Variants in AASS observed in about 807,000 individuals in gnomAD.
AASS encodes alpha-aminoadipic semialdehyde synthase, mitochondrial.
AASS carries 86 observed loss-of-function variants against 105.4 expected under a neutral mutation model. The ratio of observed to expected loss-of-function variants is 0.82; its 90% CI spans 0.69 to 0.98. The LOEUF (loss-of-function observed/expected upper bound fraction) is 0.98, where lower values mean the gene tolerates loss of function less well. Among genes scored for constraint, AASS ranks in the 50% least tolerant of loss-of-function variants. AASS has a pLI of 0.00. For missense variants in AASS, 1,048 were observed against 1,143.2 expected (o/e 0.92, Z 1.20); for synonymous variants, 381 against 394.8 (o/e 0.96, Z 0.41).
At chr7:122,108,134 C>T (rs573941178) in intron 11 of AASS, among the ~76,000 whole-genome samples, 1 of 152,054 alleles carries the variant, frequency 6.6e-6, no homozygotes, top group South Asian at 2.1e-4. Flanking sequence ...AATAAACAAT[C>T]TGAATAGGCG....
intron 15 of AASS, among the ~76,000 whole-genome samples, chr7:122,097,510 C>T (rs1204415246): frequency 6.6e-6 from 1 of 151,796 alleles, no homozygotes; most frequent in African/African-American, 2.4e-5. Context: ...TTTTTCGATC[C>T]TCACCCTCCT....
At chr7:122,111,691 C>G (rs1253176401) in intron 11 of AASS, among the ~76,000 whole-genome samples, 1 of 152,060 alleles carries the variant, frequency 6.6e-6, no homozygotes, top group Non-Finnish European at 1.5e-5. Flanking sequence ...ATCACGAGGT[C>G]AGGAGTTCAA....
chr7:122,140,845 G>A (rs1796361371), intron 1 of AASS, among the ~76,000 whole-genome samples: 1 of 150,034 alleles, frequency 6.7e-6, no homozygotes, highest in Non-Finnish European at 1.5e-5. Flanking sequence ...GATGAACAGC[G>A]CTAATTATTT....
intron 23 of AASS, among the ~76,000 whole-genome samples, chr7:122,076,854 C>T (rs1793036973): frequency 6.6e-6 from 1 of 152,206 alleles, no homozygotes; most frequent in Admixed American, 6.5e-5. Flanking sequence ...AACTTGTACA[C>T]TTAACTGCAT....
chr7:122,110,980 G>T (rs1794904347), intron 11 of AASS, among the ~76,000 whole-genome samples: 1 of 152,012 alleles, frequency 6.6e-6, no homozygotes, highest in African/African-American at 2.4e-5. Context: ...AGGAAAAAAT[G>T]ATCTTCTCAA....
At chr7:122,116,597 T>C in intron 8 of AASS, 36 bp downstream of exon 8, 4 of 1,613,594 alleles carry the variant, frequency 2.5e-6, no homozygotes, top group Non-Finnish European at 3.4e-6. Context: ...CACTGTATCA[T>C]AAGCAACCAA....
At chr7:122,118,829 A>T (rs1054964431) in intron 4 of AASS, among the ~76,000 whole-genome samples, 199 bp from the exon 5 acceptor site, 1 of 152,068 alleles carries the variant, frequency 6.6e-6, no homozygotes, top group Admixed American at 6.5e-5. Context: ...ATCCCCACCT[A>T]TTCCTTCCAC....
chr7:122,102,191 T>C (rs75331762), intron 11 of AASS, among the ~76,000 whole-genome samples: 1 of 151,972 alleles, frequency 6.6e-6, no homozygotes, highest in Non-Finnish European at 1.5e-5. Context: ...ATTTCAAAGG[T>C]GGTAGCAAAA....
At chr7:122,102,896 T>TA (rs1306438826) in intron 11 of AASS, among the ~76,000 whole-genome samples, 2 of 151,106 alleles carry the variant, frequency 1.3e-5, no homozygotes, top group African/African-American at 4.9e-5. Flanking sequence ...CTGAAAACCA[T>TA]AAAAACCAAG....
intron 2 of AASS, among the ~76,000 whole-genome samples, chr7:122,131,711 C>T (rs556893448): frequency 6.6e-6 from 1 of 152,048 alleles, no homozygotes; most frequent in South Asian, 2.1e-4. Flanking sequence ...TAACAATAAA[C>T]ATGCTTAACA....
chr7:122,091,376 G>A (rs573008323), intron 18 of AASS, among the ~76,000 whole-genome samples: 2 of 152,196 alleles, frequency 1.3e-5, no homozygotes, highest in Admixed American at 6.5e-5. Context: ...CCAAAGTCCA[G>A]CACATAGTAG....
In AASS at chr7:122,101,688, G is replaced by A; in HGVS notation, c.1279-8C>T. 1 of 1,608,272 alleles carries A rather than the reference G, an allele frequency of 6.2e-7. No individual in the cohort carries two copies. ...TGTCGCGTCTGATAATATCTGAAAG[G>A]AAAATGAGATTTGTAAGAGATAAAT... On this transcript the variant is annotated splice_polypyrimidine_tract_variant and splice_region_variant and intron_variant, in intron 11 of 23. Coordinates refer to ENST00000417368, the MANE Select transcript of AASS (RefSeq NM_005763.4).
chr7:122,076,402 T>C lies in AASS; in HGVS notation c.*87A>G. ...CCAAAACATATTATGCTTTATACTTTAAAACAGCACATTAGCAAACCCATT... is the reference window on the plus strand; with the variant it reads ...CCAAAACATATTATGCTTTATACTTCAAAACAGCACATTAGCAAACCCATT... On this transcript the variant is annotated 3_prime_UTR_variant, in exon 24 of 24. Coordinates refer to ENST00000417368, the MANE Select transcript of AASS (RefSeq NM_005763.4). 4 of 887,806 alleles carry C rather than the reference T, an allele frequency of 4.5e-6. No homozygotes were observed. Among genetic ancestry groups the C allele is most frequent in the Non-Finnish European group, 5.8e-6 (3 of 520,822 alleles). The allele number at this position is 887,806 out of a possible 1,614,324, so 55.0% of individuals were successfully genotyped here.
At chr7:122,087,628 G>A (rs898790997) in intron 18 of AASS, among the ~76,000 whole-genome samples, 1 of 152,186 alleles carries the variant, frequency 6.6e-6, no homozygotes, top group Non-Finnish European at 1.5e-5. Context: ...TCGGGAGGCT[G>A]AGGCAGGAGG....
chr7:122,114,730 A>C (rs1012710601), intron 9 of AASS, among the ~76,000 whole-genome samples: 2 of 152,198 alleles, frequency 1.3e-5, no homozygotes, highest in African/African-American at 4.8e-5. Flanking sequence ...CACAGAAGAC[A>C]AAAGAAGAAT....
At chr7:122,118,810 C>T (rs1795313745) in intron 4 of AASS, among the ~76,000 whole-genome samples, 180 bp from the exon 5 acceptor site, 1 of 152,150 alleles carries the variant, frequency 6.6e-6, no homozygotes, top group South Asian at 2.1e-4. Flanking sequence ...AATGCACTAA[C>T]CCAAATGCAT....
Position 122,076,572 on chromosome 7 carries a change from A to T in AASS, c.2698T>A (p.Ser900Thr), listed in dbSNP as rs1272258159. ...AATATTGGTCCATAGATCTCCTTTGAAAAGGGCCCCATTAGGCCTTTGGCT... is the reference window on the plus strand; with the variant it reads ...AATATTGGTCCATAGATCTCCTTTGTAAAGGGCCCCATTAGGCCTTTGGCT... ...IGAKGLMGPF[S>T]KEIYGPILER... Residue 900 changes from serine (S) to threonine (T), a missense_variant, in exon 24 of 24, where the codon TCA becomes ACA. Coordinates refer to ENST00000417368, the MANE Select transcript of AASS (RefSeq NM_005763.4). The T allele has an allele frequency of 6.2e-7, 1 of 1,613,852 alleles. No individual in the cohort carries two copies. Among genetic ancestry groups the T allele is most frequent in the Non-Finnish European group, 8.5e-7 (1 of 1,179,776 alleles).
Position 122,086,045 on chromosome 7 carries a change from A to G in AASS, c.2151T>C (p.Ala717=), listed in dbSNP as rs751296868. 25 of 1,613,706 alleles carry G rather than the reference A, an allele frequency of 1.5e-5. No individual in the cohort carries two copies. Among genetic ancestry groups the G allele is most frequent in the South Asian group, 2.2e-5 (2 of 91,078 alleles). The change falls in exon 19 of 24, where the codon GCT becomes GCC. Residue 717 remains alanine (A), a synonymous_variant. Transcript: ENST00000417368. ...KYAEIYGISS[A]HTLLRGTLRY... ...TCAGTGTCCCCCGCAACAAAGTGTG[A>G]GCAGAAGAAATGCCATAAATCTCAG...
intron 9 of AASS, among the ~76,000 whole-genome samples, chr7:122,114,654 G>A (rs776465024): frequency 6.6e-6 from 1 of 152,106 alleles, no homozygotes; most frequent in Non-Finnish European, 1.5e-5. Context: ...ACTAGAGATA[G>A]AGATGAGAAT....
Sources: allele counts gnomAD v4.1 joint callset (sites outside exome capture counted in the v4.1 genomes callset), GRCh38; gene constraint gnomAD v4.1.1; transcripts MANE v1.5; gene names NCBI Gene and HGNC (gene_info 2026-07-23, HGNC 2026-07-21).